Variants in STMN2 observed in about 807,000 individuals in gnomAD.
STMN2 encodes the protein stathmin-2.
In STMN2, 2 loss-of-function variants were observed where a neutral mutation model predicts 24.1. That is an observed-to-expected ratio of 0.08 (90% CI 0.03 to 0.26). The LOEUF (loss-of-function observed/expected upper bound fraction) is 0.26, where lower values mean the gene tolerates loss of function less well. Among genes scored for constraint, STMN2 ranks in the 10% least tolerant of loss-of-function variants. The pLI, the probability that STMN2 is intolerant of heterozygous loss-of-function variation, is 1.00. For synonymous variants in STMN2, 83 were observed against 77.5 expected (o/e 1.07, Z -0.37); for missense variants, 114 against 213.6 (o/e 0.53, Z 2.91).
intron 4 of STMN2, among the ~76,000 whole-genome samples, chr8:79,658,078 C>T (rs1019073784): frequency 6.6e-6 from 1 of 152,140 alleles, no homozygotes; most frequent in Non-Finnish European, 1.5e-5. Context: ...TTGCTTGAAG[C>T]CAGGAGTTCG....
intron 1 of STMN2, among the ~76,000 whole-genome samples, chr8:79,612,245 C>T (rs1334295164): frequency 6.6e-6 from 1 of 152,234 alleles, no homozygotes; most frequent in Non-Finnish European, 1.5e-5. Context: ...CCTCCCCACG[C>T]TGGCCTCATT....
intron 4 of STMN2, among the ~76,000 whole-genome samples, chr8:79,662,343 A>G (rs184291662): frequency 4.1e-4 from 63 of 152,232 alleles, no homozygotes; most frequent in Non-Finnish European, 7.7e-4. Context: ...TGAAATAAAT[A>G]TTATCAAAGA....
chr8:79,654,852 C>T lies in STMN2; in HGVS notation c.289-19C>T. 1 of 1,606,356 alleles carries T rather than the reference C, an allele frequency of 6.2e-7. No homozygotes were observed. The highest frequency in any genetic ancestry group is 8.5e-7 in the Non-Finnish European group (1 of 1,175,052). On this transcript the variant is annotated intron_variant, in intron 3 of 4. Coordinates refer to ENST00000220876, the MANE Select transcript of STMN2 (RefSeq NM_007029.4). The stretch of plus-strand genomic sequence containing the variant: ...TTGTGTTTGGATAATTATAAGATGG[C>T]TATGTTTTTCTTCCCCAGTCTCAGG...
intron 3 of STMN2, among the ~76,000 whole-genome samples, chr8:79,651,935 GGTGGATCCTATCTAGGGCAGT>G (rs1810342235): frequency 6.6e-6 from 1 of 152,164 alleles, no homozygotes; most frequent in Non-Finnish European, 1.5e-5. Flanking sequence ...TAAAAATCCA[GGTGGATCCTATCTAGGGCAGT>G]GTTGGAAACA....
chr8:79,658,035 A>AT (rs1248346826), intron 4 of STMN2, among the ~76,000 whole-genome samples: 1 of 152,220 alleles, frequency 6.6e-6, no homozygotes, highest in Non-Finnish European at 1.5e-5. Flanking sequence ...CACACCTGTA[A>AT]TCCCAGCACT....
At chr8:79,614,549 T>A (rs952177682) in intron 1 of STMN2, among the ~76,000 whole-genome samples, 1 of 152,244 alleles carries the variant, frequency 6.6e-6, no homozygotes, top group Non-Finnish European at 1.5e-5. Flanking sequence ...GTGTAACACG[T>A]CGCAGGTAGC....
intron 1 of STMN2, among the ~76,000 whole-genome samples, chr8:79,624,470 A>G (rs976744993): frequency 0.063 from 9,266 of 148,230 alleles, 482 homozygotes; most frequent in Non-Finnish European, 0.1. Flanking sequence ...AAAAAAAAAA[A>G]AAAAAAAAGA....
chr8:79,619,524 A>T (rs1283943462), intron 1 of STMN2, among the ~76,000 whole-genome samples: 3 of 152,124 alleles, frequency 2.0e-5, no homozygotes, highest in African/African-American at 4.8e-5. Flanking sequence ...TAATATATTG[A>T]CTGTTACAAA....
intron 4 of STMN2, among the ~76,000 whole-genome samples, chr8:79,658,465 G>A (rs1186818413): frequency 2.6e-5 from 4 of 152,180 alleles, no homozygotes; most frequent in African/African-American, 9.6e-5. Context: ...ACAAAATTCA[G>A]CAATAAATAA....
intron 1 of STMN2, among the ~76,000 whole-genome samples, chr8:79,617,899 C>A (rs1447512535): frequency 2.6e-5 from 4 of 152,218 alleles, no homozygotes; most frequent in African/African-American, 9.6e-5. Context: ...CACATATTAA[C>A]TGTGTTAATC....
chr8:79,644,780 C>G (rs1016831473), intron 3 of STMN2, among the ~76,000 whole-genome samples: 10 of 152,038 alleles, frequency 6.6e-5, no homozygotes, highest in Non-Finnish European at 1.0e-4. Flanking sequence ...CTTCTGTTGC[C>G]CTGTTGCCGT....
chr8:79,620,640 T>G (rs1301274490), intron 1 of STMN2, among the ~76,000 whole-genome samples: 2 of 152,148 alleles, frequency 1.3e-5, no homozygotes, highest in Non-Finnish European at 2.9e-5. Context: ...AACAATTTTG[T>G]TAAACTGCCC....
At position 79,665,284 on chromosome 8, in the gene STMN2, G is replaced by A; in HGVS notation, c.*410G>A. The A allele has an allele frequency of 6.4e-6, 1 of 157,322 alleles. No individual in the cohort carries two copies. The highest frequency in any genetic ancestry group is 1.9e-4 in the East Asian group (1 of 5,324). 9.7% of individuals were successfully genotyped at this position (157,322 alleles called of 1,614,324 possible). A position where few individuals can be genotyped will look rare whatever the true frequency, so the allele number is the denominator to read the frequency against. ...AAAATGAGGTCAGTAGACAGTCTAT[G>A]GTGCTAGAAACCCACCATTGCCTAA... is the stretch of plus-strand genomic sequence containing the variant. On this transcript the variant is annotated 3_prime_UTR_variant, in exon 5 of 5. Transcript: ENST00000220876.
chr8:79,628,041 T>C (rs1404255799), intron 1 of STMN2, among the ~76,000 whole-genome samples: 3 of 152,230 alleles, frequency 2.0e-5, no homozygotes, highest in African/African-American at 7.2e-5. Flanking sequence ...TTGGGTCTTG[T>C]GAATAATGAT....
At chr8:79,632,843 A>G (rs553115253) in intron 1 of STMN2, among the ~76,000 whole-genome samples, 2 of 152,316 alleles carry the variant, frequency 1.3e-5, no homozygotes, top group East Asian at 3.9e-4. Context: ...ATTAAATAAC[A>G]ACAAAATGAT....
chr8:79,613,437 A>G (rs758289148), intron 1 of STMN2: 1 of 985,302 alleles, frequency 1.0e-6, no homozygotes, highest in African/African-American at 1.7e-5. Flanking sequence ...GTTTCTGCGC[A>G]GTGTCCTGAG....
intron 1 of STMN2, among the ~76,000 whole-genome samples, chr8:79,627,826 A>G (rs1033984220): frequency 3.9e-5 from 6 of 152,052 alleles, no homozygotes; most frequent in African/African-American, 7.2e-5. Context: ...CTCTGCTTCT[A>G]TGAGTTCTTT....
intron 1 of STMN2, among the ~76,000 whole-genome samples, chr8:79,611,495 A>G (rs548478769): frequency 7.0e-4 from 107 of 152,182 alleles, no homozygotes; most frequent in African/African-American, 2.5e-3. Context: ...TTAGGACTCA[A>G]TCGTGAGGGG....
intron 1 of STMN2, among the ~76,000 whole-genome samples, chr8:79,628,453 G>A (rs1402645997): frequency 1.3e-5 from 2 of 152,020 alleles, no homozygotes; most frequent in African/African-American, 4.8e-5. Flanking sequence ...GCCTGGCCTA[G>A]TAGTTCTGTT....
Sources: allele counts gnomAD v4.1 joint callset (sites outside exome capture counted in the v4.1 genomes callset), GRCh38; gene constraint gnomAD v4.1.1; transcripts MANE v1.5; gene names NCBI Gene and HGNC (gene_info 2026-07-23, HGNC 2026-07-21).